DICER1: variants seen among roughly 807,000 people sequenced by gnomAD.
DICER1 encodes the protein dicer 1, ribonuclease III.
A neutral mutation model predicts 194.1 loss-of-function variants in DICER1; 43 were observed. That is an observed-to-expected ratio of 0.22 (90% CI 0.17 to 0.29). The LOEUF is 0.29. Ranked by LOEUF, DICER1 falls within the 10% of genes least tolerant of loss-of-function variation. The pLI is 1.00. For synonymous variants in DICER1, 832 were observed against 820.5 expected (o/e 1.01, Z -0.24); for missense variants, 1,608 against 2,317.0 (o/e 0.69, Z 6.28).
At position 95,124,209 on chromosome 14, in the gene DICER1, C is replaced by T. The variant is rs2140200628; in HGVS notation, c.1363G>A (p.Val455Ile). 6.2e-7 allele frequency: 1 copy of T among 1,613,284 alleles called. No homozygotes were observed. The highest frequency in any genetic ancestry group is 2.2e-5 in the East Asian group (1 of 44,880). The change falls in exon 8 of 27, where the codon GTT (valine) becomes ATT (isoleucine). Residue 455 changes from valine (V) to isoleucine (I), a missense_variant. Val to Ile is a conservative substitution (Grantham distance 29). Transcript: ENST00000343455. The surrounding 1 kb of genome is among the most constrained non-coding windows in gnomAD (Gnocchi z 4.5). ...TTACAGATTTACCTGTTTAAGACAA[C>T]TGCTGTGTATCTTCTTTCCACAAAA... is the stretch of plus-strand genomic sequence containing the variant. The part of the protein sequence containing the change: ...IIFVERRYTA[V>I]VLNRLIKEAG...
At chr14:95,115,217 C>T (rs1439148893) in intron 11 of DICER1, among the ~76,000 whole-genome samples, 1 of 152,182 alleles carries the variant, frequency 6.6e-6, no homozygotes, top group African/African-American at 2.4e-5. Context: ...TCCAGGAATG[C>T]ATTTGCTGTT....
At chr14:95,145,143 CT>C (rs1895052044) in intron 1 of DICER1, among the ~76,000 whole-genome samples, 1 of 152,134 alleles carries the variant, frequency 6.6e-6, no homozygotes, top group Non-Finnish European at 1.5e-5. Context: ...TTTGATGCCC[CT>C]GTGCGTGCAA....
chr14:95,125,506 G>A (rs182328404), intron 7 of DICER1, among the ~76,000 whole-genome samples: 1 of 130,736 alleles, frequency 7.6e-6, no homozygotes, highest in African/African-American at 2.9e-5. Context: ...GAGGGAGAGG[G>A]AGAGAGGCAG....
chr14:95,119,982 T>A (rs1892802197), intron 8 of DICER1, among the ~76,000 whole-genome samples: 1 of 152,160 alleles, frequency 6.6e-6, no homozygotes, highest in Non-Finnish European at 1.5e-5. Context: ...CCAATTAGAA[T>A]GAAAATAACA....
At chr14:95,151,967 A>C (rs1895543396) in intron 1 of DICER1, among the ~76,000 whole-genome samples, 1 of 152,246 alleles carries the variant, frequency 6.6e-6, no homozygotes, top group Non-Finnish European at 1.5e-5. Flanking sequence ...ACATCATGTC[A>C]AAGATCAGTT....
Position 95,090,061 on chromosome 14 carries a change from C to G in DICER1, c.*437G>C, listed in dbSNP as rs1889648607. 3.1e-6 allele frequency: 1 copy of G among 324,502 alleles called. No individual in the cohort carries two copies. The highest frequency in any genetic ancestry group is 5.8e-6 in the Non-Finnish European group (1 of 173,652). The allele number at this position is 324,502 out of a possible 1,614,324, so 20.1% of individuals were successfully genotyped here. A position where few individuals can be genotyped will look rare whatever the true frequency, so the allele number is the denominator to read the frequency against. On this transcript the variant is annotated 3_prime_UTR_variant, in exon 27 of 27. Coordinates refer to ENST00000343455, the MANE Select transcript of DICER1 (RefSeq NM_177438.3). ...ATTCAGCTTATCAACTACTGCAGGA[C>G]TGGCACTACTGCACACACGGAGAGA...
chr14:95,125,502 G>A (rs531463900), intron 7 of DICER1, among the ~76,000 whole-genome samples: 2 of 135,656 alleles, frequency 1.5e-5, no homozygotes, highest in Non-Finnish European at 3.1e-5. Flanking sequence ...AATTGAGGGA[G>A]AGGGAGAGAG....
Position 95,096,302 on chromosome 14 carries a change from C to T in DICER1, c.4618G>A (p.Gly1540Arg), listed in dbSNP as rs2139847173. 2 of 1,614,192 alleles carry T rather than the reference C, an allele frequency of 1.2e-6. No homozygotes were observed. The highest frequency in any genetic ancestry group is 1.7e-6 in the Non-Finnish European group (2 of 1,180,048). ...PSEENCGVDT[G>R]KQSISYDLHT... ...AAGTCGTAAGAAATGGACTGCTTTC[C>T]CGTGTCAACACCACAGTTTTCTTCT... Residue 1540 changes from glycine to arginine, a missense_variant, in exon 23 of 27, where the codon GGA becomes AGA. Transcript: ENST00000343455.
intron 7 of DICER1, among the ~76,000 whole-genome samples, chr14:95,125,160 C>T (rs752064659): frequency 1.3e-5 from 2 of 152,142 alleles, no homozygotes; most frequent in Non-Finnish European, 1.5e-5. Flanking sequence ...CTGGATGCCA[C>T]GGTGAGACTG....
intron 10 of DICER1, among the ~76,000 whole-genome samples, 185 bp downstream of exon 10, chr14:95,116,268 A>C (rs531536456): frequency 6.6e-6 from 1 of 152,352 alleles, no homozygotes; most frequent in East Asian, 1.9e-4. Context: ...AACACTTTGT[A>C]TAACACTGCC....
Position 95,105,798 on chromosome 14 carries a change from A to C in DICER1, c.2988-15T>G, listed in dbSNP as rs755145885. The C allele has an allele frequency of 1.9e-6, 3 of 1,603,452 alleles. No homozygotes were observed. In the South Asian group the frequency reaches 3.3e-5, roughly 18 times the overall value. On this transcript the variant is annotated splice_polypyrimidine_tract_variant and intron_variant, in intron 18 of 26. Coordinates refer to ENST00000343455, the MANE Select transcript of DICER1 (RefSeq NM_177438.3). The surrounding 1 kb of genome is among the most constrained non-coding windows in gnomAD (Gnocchi z 4.9). ...AAAGATTAAGTCTGTAAGAATTCCA[A>C]AACAATTTTATCAAACACACAAAAA...
chr14:95,149,277 A>C (rs1895352488), intron 1 of DICER1, among the ~76,000 whole-genome samples: 1 of 152,238 alleles, frequency 6.6e-6, no homozygotes, highest in Non-Finnish European at 1.5e-5. Flanking sequence ...GAGACTACTG[A>C]GTTAAGATGG....
At chr14:95,132,445 G>C in intron 3 of DICER1, 70 bp downstream of exon 3, 1 of 1,509,810 alleles carries the variant, frequency 6.6e-7, no homozygotes, top group Non-Finnish European at 9.2e-7. Context: ...AAGAAACACA[G>C]AAAATCTGTT....
chr14:95,147,352 A>T (rs1179864426), intron 1 of DICER1, among the ~76,000 whole-genome samples: 1 of 151,882 alleles, frequency 6.6e-6, no homozygotes, highest in Non-Finnish European at 1.5e-5. Context: ...TGTAGTCCCA[A>T]CTCCTCAGGA....
At chr14:95,139,799 A>G (rs775709618) in intron 1 of DICER1, among the ~76,000 whole-genome samples, 7 of 152,238 alleles carry the variant, frequency 4.6e-5, no homozygotes, top group Non-Finnish European at 8.8e-5. Context: ...GTACAAGGAC[A>G]TAAAGAACAA....
chr14:95,154,837 A>G (rs1188201341), intron 1 of DICER1, among the ~76,000 whole-genome samples: 1 of 151,860 alleles, frequency 6.6e-6, no homozygotes, highest in African/African-American at 2.4e-5. Flanking sequence ...AAAATGGTTC[A>G]ACGTTGTGTT....
Position 95,105,672 on chromosome 14 carries a change from CAT to C in DICER1, c.3093+4_3093+5del. The C allele has an allele frequency of 6.4e-7, 1 of 1,573,576 alleles. No individual in the cohort carries two copies. Among genetic ancestry groups the C allele is most frequent in the Non-Finnish European group, 8.7e-7 (1 of 1,143,062 alleles). On this transcript the variant is annotated splice_donor_5th_base_variant and intron_variant, in intron 19 of 26. Transcript: ENST00000343455. This position sits in a 1 kb window ranked among gnomAD's most constrained non-coding sequence, Gnocchi z 4.9. ...CTAAGTTATGCTAGTACAATTAACT[CAT>C]TACCTGTTTATTCTGCAGACTTTCC...
chr14:95,113,798 C>T (rs149980305), intron 11 of DICER1, among the ~76,000 whole-genome samples: 56 of 152,274 alleles, frequency 3.7e-4, no homozygotes, highest in Middle Eastern at 6.8e-3. Context: ...GGGACAGGAC[C>T]CACATCAGGA....
chr14:95,088,957 T>C lies in DICER1; in HGVS notation c.*1541A>G. ...CTTCAAGCATAATTAACGGGGCAAA[T>C]TGCAGCAAACCTCTACTGGTATGTT... is the stretch of plus-strand genomic sequence containing the variant. On this transcript the variant is annotated 3_prime_UTR_variant, in exon 27 of 27. Transcript: ENST00000343455. 4.3e-6 allele frequency: 1 copy of C among 233,566 alleles called. No individual in the cohort carries two copies. The highest frequency in any genetic ancestry group is 6.0e-5 in the East Asian group (1 of 16,582). The allele number at this position is 233,566 out of a possible 1,614,324, so 14.5% of individuals were successfully genotyped here.
Sources: allele counts gnomAD v4.1 joint callset (sites outside exome capture counted in the v4.1 genomes callset), GRCh38; gene constraint gnomAD v4.1.1; non-coding constraint Gnocchi (gnomAD v3.1); transcripts MANE v1.5; gene names NCBI Gene and HGNC (gene_info 2026-07-23, HGNC 2026-07-21).